The following CDK14 variants were observed in gnomAD, a reference collection of about 807,000 sequenced individuals.
The protein encoded by CDK14 is cyclin-dependent kinase 14.
Under a neutral mutation model 60.7 loss-of-function variants are expected in CDK14, and 34 were observed. The observed-to-expected ratio is 0.56, with a 90% CI of 0.43 to 0.75. The LOEUF (loss-of-function observed/expected upper bound fraction) is 0.75, where lower values mean the gene tolerates loss of function less well. CDK14 is among the 30% of genes least tolerant of loss of function. The pLI, the probability that CDK14 is intolerant of heterozygous loss-of-function variation, is 0.00. For missense variants in CDK14, 482 were observed against 564.1 expected (o/e 0.85, Z 1.47); for synonymous variants, 197 against 203.7 (o/e 0.97, Z 0.28).
intron 6 of CDK14, among the ~76,000 whole-genome samples, chr7:90,895,355 C>CCT: frequency 2.8e-5 from 1 of 35,604 alleles, no homozygotes. Context: ...CCTCTCCTCT[C>CCT]CTCACCTCTC....
intron 12 of CDK14, among the ~76,000 whole-genome samples, chr7:91,093,582 A>G (rs1367059778): frequency 6.6e-6 from 1 of 152,192 alleles, no homozygotes; most frequent in Non-Finnish European, 1.5e-5. Context: ...GAATATTGAA[A>G]ATATTTGTTC....
intron 6 of CDK14, among the ~76,000 whole-genome samples, chr7:90,878,913 T>A (rs1461392698): frequency 6.6e-6 from 1 of 152,238 alleles, no homozygotes; most frequent in East Asian, 1.9e-4. Flanking sequence ...GTATTTAATG[T>A]TCAGTAAGTA....
chr7:91,094,764 C>T (rs1351070116), intron 12 of CDK14, among the ~76,000 whole-genome samples: 1 of 152,144 alleles, frequency 6.6e-6, no homozygotes, highest in Non-Finnish European at 1.5e-5. Context: ...AGATAAATAA[C>T]ACTTTAATGC....
At chr7:90,622,589 G>A (rs1348868175) in intron 2 of CDK14, among the ~76,000 whole-genome samples, 1 of 152,158 alleles carries the variant, frequency 6.6e-6, no homozygotes, top group African/African-American at 2.4e-5. Context: ...AAGCATTTGA[G>A]ATTGCACATT....
At chr7:90,902,999 T>C (rs1040623894) in intron 7 of CDK14, among the ~76,000 whole-genome samples, 1 of 152,116 alleles carries the variant, frequency 6.6e-6, no homozygotes, top group Non-Finnish European at 1.5e-5. Context: ...TCAACATGAC[T>C]AATTATCAGA....
intron 6 of CDK14, among the ~76,000 whole-genome samples, chr7:90,863,558 AG>A: frequency 6.6e-6 from 1 of 152,300 alleles, no homozygotes; most frequent in East Asian, 1.9e-4. Context: ...TTTATTACAT[AG>A]GATTCAACAG....
intron 14 of CDK14, among the ~76,000 whole-genome samples, chr7:91,143,460 G>A (rs1013320047): frequency 1.3e-5 from 2 of 152,154 alleles, no homozygotes; most frequent in East Asian, 1.9e-4. Flanking sequence ...GTTCATGCCT[G>A]TAATCAATCC....
chr7:90,677,868 G>C (rs1801232737), intron 2 of CDK14, among the ~76,000 whole-genome samples: 1 of 152,170 alleles, frequency 6.6e-6, no homozygotes, highest in South Asian at 2.1e-4. Flanking sequence ...TGATGCCTTA[G>C]TGCCCTGCTC....
chr7:91,177,352 C>T (rs1801806574), intron 14 of CDK14, among the ~76,000 whole-genome samples: 2 of 147,452 alleles, frequency 1.4e-5, no homozygotes, highest in African/African-American at 5.0e-5. Context: ...CAGCCAATAT[C>T]ATACTGAATG....
At chr7:91,159,887 C>T (rs751610205) in intron 14 of CDK14, among the ~76,000 whole-genome samples, 10 of 152,096 alleles carry the variant, frequency 6.6e-5, no homozygotes, top group Admixed American at 1.3e-4. Flanking sequence ...TGTAGTGGCA[C>T]GGCAATAGAG....
chr7:91,193,283 T>C (rs1802432311), intron 14 of CDK14, among the ~76,000 whole-genome samples: 1 of 152,264 alleles, frequency 6.6e-6, no homozygotes, highest in East Asian at 1.9e-4. Flanking sequence ...TATGAACCAT[T>C]TGAAATTGTA....
In CDK14 at chr7:90,665,310, A is replaced by C. The variant is rs1462790333; in HGVS notation, c.123+61061A>C. Among the ~76,000 whole-genome samples the C allele has an allele frequency of 2.0e-5, 3 of 152,094 alleles. No homozygotes were observed. The East Asian group carries it at 5.8e-4, about 29-fold the overall frequency. On this transcript the variant is annotated intron_variant, in intron 2 of 14. Coordinates refer to ENST00000380050, the MANE Select transcript of CDK14 (RefSeq NM_001287135.2). ...TAAATAAATAAATAAATAAATAATAAAAACATAAAAAATAAAAAGCACTCA... is the reference window on the plus strand; with the variant it reads ...TAAATAAATAAATAAATAAATAATACAAACATAAAAAATAAAAAGCACTCA...
intron 2 of CDK14, among the ~76,000 whole-genome samples, chr7:90,619,539 A>C (rs900667795): frequency 1.3e-5 from 2 of 152,244 alleles, no homozygotes; most frequent in Non-Finnish European, 2.9e-5. Context: ...TAATGAACAT[A>C]AAATACTGAT....
At chr7:91,200,264 T>C (rs1253765119) in intron 14 of CDK14, among the ~76,000 whole-genome samples, 1 of 152,224 alleles carries the variant, frequency 6.6e-6, no homozygotes, top group East Asian at 1.9e-4. Flanking sequence ...CTATGTGTTA[T>C]ATATACAAAT....
intron 5 of CDK14, among the ~76,000 whole-genome samples, chr7:90,803,981 C>T (rs1562777197): frequency 6.6e-6 from 1 of 152,180 alleles, no homozygotes; most frequent in Non-Finnish European, 1.5e-5. Flanking sequence ...ATGATAGGCA[C>T]TCAGGGTATG....
chr7:90,696,065 T>A (rs1289394511), intron 2 of CDK14, among the ~76,000 whole-genome samples: 1 of 152,130 alleles, frequency 6.6e-6, no homozygotes, highest in African/African-American at 2.4e-5. Context: ...CTAGGTGAGA[T>A]GTGTTGGTCG....
At position 90,890,208 on chromosome 7, in the gene CDK14, G is replaced by C. The variant is rs75839510; in HGVS notation, c.640-9083G>C. Reference sequence around the variant, plus strand: ...GACAACATAGTGAGAGTCCGTTTCTGTAAAAATTAAGAAAATTAGTCAGAT... The same window carrying C: ...GACAACATAGTGAGAGTCCGTTTCTCTAAAAATTAAGAAAATTAGTCAGAT... On this transcript the variant is annotated intron_variant, in intron 6 of 14. Transcript: ENST00000380050. Among the ~76,000 whole-genome samples, 515 of 152,302 alleles carry C rather than the reference G, an allele frequency of 3.4e-3. 4 individuals carry two copies. The highest frequency in any genetic ancestry group is 0.012 in the African/African-American group (482 of 41,560).
At chr7:91,014,237 G>A (rs1347458991) in intron 10 of CDK14, among the ~76,000 whole-genome samples, 1 of 152,064 alleles carries the variant, frequency 6.6e-6, no homozygotes, top group African/African-American at 2.4e-5. Flanking sequence ...GAATTTAACT[G>A]TAAAATTACA....
At chr7:90,725,730 C>T (rs1563058467) in intron 2 of CDK14, among the ~76,000 whole-genome samples, 1 of 151,872 alleles carries the variant, frequency 6.6e-6, no homozygotes, top group Non-Finnish European at 1.5e-5. Context: ...ATAAAGACAA[C>T]AAAGTCTCCA....
Sources: allele counts gnomAD v4.1 joint callset (sites outside exome capture counted in the v4.1 genomes callset), GRCh38; gene constraint gnomAD v4.1.1; transcripts MANE v1.5; gene names NCBI Gene and HGNC (gene_info 2026-07-23, HGNC 2026-07-21).